ARSA: variants seen among roughly 807,000 people sequenced by gnomAD.
ARSA encodes the protein cerebroside-sulfatase.
Under a neutral mutation model 37.8 loss-of-function variants are expected in ARSA, and 32 were observed. The ratio of observed to expected loss-of-function variants is 0.85; its 90% confidence interval spans 0.64 to 1.14. The LOEUF (loss-of-function observed/expected upper bound fraction) is 1.14, where lower values mean the gene tolerates loss of function less well. Ranked by LOEUF, ARSA falls within the 50% of genes most tolerant of loss-of-function variation. ARSA has a pLI of 0.00. For synonymous variants in ARSA, 303 were observed against 303.4 expected, an observed-to-expected ratio of 1.00 and a Z score of 0.01; for missense variants, 685 against 686.3, an observed-to-expected ratio of 1.00 and a Z score of 0.02.
Position 50,626,231 on chromosome 22 carries a change from C to T in ARSA, c.902G>A (p.Arg301Gln), listed in dbSNP as rs573456864. 1.9e-5 allele frequency: 31 copies of T among 1,613,548 alleles called. No homozygotes were observed. Among genetic ancestry groups the T allele is most frequent in the East Asian group, 1.1e-4 (5 of 44,852 alleles). ...CTCGTAGGTCGTTCCCTTTCCACAC[C>T]GCAAGAGACCGGAGCAGCCGCCTCG... ...MSRGGCSGLL[R>Q]CGKGTTYEGG... Residue 301 changes from arginine (R) to glutamine (Q), a missense_variant, in exon 5 of 8, where the codon CGG becomes CAG. Transcript: ENST00000216124.
In ARSA at chr22:50,626,217, T is replaced by C; in HGVS notation, c.916A>G (p.Thr306Ala). The C allele has an allele frequency of 6.2e-7, 1 of 1,613,352 alleles. No homozygotes were observed. Among genetic ancestry groups the C allele is most frequent in the Admixed American group, 1.7e-5 (1 of 59,948 alleles). Residue 306 changes from threonine (T) to alanine (A), a missense_variant, in exon 5 of 8, where the codon ACG (threonine) becomes GCG (alanine). Physicochemically the swap from Thr to Ala is moderately conservative, Grantham distance 58 (BLOSUM62 0). Transcript: ENST00000216124. Reference protein sequence around the residue: ...CSGLLRCGKGTTYEGGVREPA... With the variant: ...CSGLLRCGKGATYEGGVREPA... ...TCTCGGACACCGCCCTCGTAGGTCG[T>C]TCCCTTTCCACACCGCAAGAGACCG...
At position 50,627,019 on chromosome 22, in the gene ARSA, C is replaced by A. The variant is rs578188411; in HGVS notation, c.499G>T (p.Ala167Ser). The A allele has an allele frequency of 1.9e-6, 3 of 1,609,854 alleles. No individual in the cohort carries two copies. The African/African-American group carries it at 4.0e-5, about 21-fold the overall frequency. ...PCQNLTCFPP[A>S]TPCDGGCDQG... The stretch of plus-strand genomic sequence containing the variant: ...TCACAGCCACCGTCGCAAGGAGTGG[C>A]CGGCGGGAAGCAGGTCAGGTTCTGG... Residue 167 changes from alanine (A) to serine (S), a missense_variant, in exon 3 of 8, where the codon GCC (alanine) becomes TCC (serine). Physicochemically the swap from Ala to Ser is moderately conservative, Grantham distance 99. Transcript: ENST00000216124.
Position 50,624,058 on chromosome 22 carries a change from C to T in ARSA, c.*1087G>A, listed in dbSNP as rs540985424. 6.6e-6 allele frequency among the ~76,000 whole-genome samples: 1 copy of T among 152,154 alleles called. No homozygotes were observed. Among genetic ancestry groups the T allele is most frequent in the Admixed American group, 6.5e-5 (1 of 15,278 alleles). On this transcript the variant is annotated 3_prime_UTR_variant, in exon 8 of 8. Transcript: ENST00000216124. ...CACTGGGAATACAGGAGTGAATCGC[C>T]GTGTGCAGCCTAACAGATTTTTTGT...
chr22:50,625,513 C>T, intron 7 of ARSA, 49 bp from the exon 8 acceptor site: 2 of 1,611,798 alleles, frequency 1.2e-6, no homozygotes, highest in Non-Finnish European at 8.5e-7. Context: ...AGAGGAGGGG[C>T]CAGGGATCTA....
At position 50,625,136 on chromosome 22, in the gene ARSA, G is replaced by A. The variant is rs775857149; in HGVS notation, c.*9C>T. On this transcript the variant is annotated 3_prime_UTR_variant, in exon 8 of 8. Transcript: ENST00000216124. ...GAGCCATCACATGCCCAGGCCAGCC[G>A]AGGGGCCCTCAGGCATGGGGATCTG... The A allele has an allele frequency of 5.8e-6, 9 of 1,547,200 alleles. No homozygotes were observed. The highest frequency in any genetic ancestry group is 4.8e-5 in the East Asian group (2 of 42,028).
rs74315268 is a variant in ARSA at position 50,627,676 on chromosome 22, T to A, written c.104A>T (p.Tyr35Phe). ...IVLIFADDLG[Y>F]GDLGCYGHPS... ...GTGCCCATAGCAGCCCAGGTCCCCA[T>A]AGCCGAGGTCGTCGGCAAAGATCAG... The change falls in exon 1 of 8, where the codon TAT becomes TTT. Residue 35 changes from tyrosine to phenylalanine, a missense_variant. Tyr to Phe is a conservative substitution (Grantham distance 22). Transcript: ENST00000216124. 1.3e-6 allele frequency: 2 copies of A among 1,558,074 alleles called. No individual in the cohort carries two copies. The highest frequency in any genetic ancestry group is 1.7e-6 in the Non-Finnish European group (2 of 1,150,710).
rs199476342 is a variant in ARSA at position 50,626,594 on chromosome 22, T to C, written c.851A>G (p.Asn284Ser). The C allele has an allele frequency of 1.9e-6, 3 of 1,613,186 alleles. No individual in the cohort carries two copies. Among genetic ancestry groups the C allele is most frequent in the African/African-American group, 1.3e-5 (1 of 75,060 alleles). ...EETLVIFTAD[N>S]GPETMRMSRG... is the part of the protein sequence containing the mutation. Reference sequence around the variant, plus strand: ...CCCAGCTGCCCTGCTGGCATACCCATTGTCTGCAGTGAAGATGACCAGCGT... The same window carrying C: ...CCCAGCTGCCCTGCTGGCATACCCACTGTCTGCAGTGAAGATGACCAGCGT... The change falls in exon 4 of 8, where the codon AAT becomes AGT. Residue 284 changes from asparagine (N) to serine (S), a missense_variant. Asn to Ser is a conservative substitution (Grantham distance 46). Coordinates refer to ENST00000216124, the MANE Select transcript of ARSA (RefSeq NM_000487.6).
chr22:50,627,533 A>T, intron 1 of ARSA, 23 bp downstream of exon 1: 1 of 1,561,352 alleles, frequency 6.4e-7, no homozygotes, highest in Non-Finnish European at 8.7e-7. Context: ...CGGGGCGGGG[A>T]AGAGGCGCGG....
In ARSA at chr22:50,625,921, G is replaced by A. The variant is rs2082656847; in HGVS notation, c.1107+15C>T. On this transcript the variant is annotated intron_variant, in intron 6 of 7. Coordinates refer to ENST00000216124, the MANE Select transcript of ARSA (RefSeq NM_000487.6). Reference sequence around the variant, plus strand: ...CAGGGGCCAAGGATCTGGGATCAGGGGTCACCGGCCCTACCTTGCCTGTGC... The same window carrying A: ...CAGGGGCCAAGGATCTGGGATCAGGAGTCACCGGCCCTACCTTGCCTGTGC... The A allele has an allele frequency of 3.8e-6, 6 of 1,568,438 alleles. No homozygotes were observed. Among genetic ancestry groups the A allele is most frequent in the African/African-American group, 2.7e-5 (2 of 74,402 alleles).
Position 50,627,562 on chromosome 22 carries a change from G to T in ARSA, c.218C>A (p.Pro73His), listed in dbSNP as rs764004751. The T allele has an allele frequency of 6.4e-7, 1 of 1,560,666 alleles. No individual in the cohort carries two copies. Among genetic ancestry groups the T allele is most frequent in the Non-Finnish European group, 8.7e-7 (1 of 1,151,928 alleles). ...DFYVPVSLCT[P>H]SRAALLTGRL... ...GGCGCGGCCCCCTCTTTACCTAGAG[G>T]GTGTGCACAGAGACACAGGCACGTA... Residue 73 changes from proline to histidine, a missense_variant, in exon 1 of 8, where the codon CCC becomes CAC. By Grantham distance (77) the Pro-to-His change is moderately conservative (BLOSUM62 -2). Transcript: ENST00000216124.
In ARSA at chr22:50,626,613, C is replaced by A. The variant is rs544856756; in HGVS notation, c.832G>T (p.Val278Phe). ...TACCCATTGTCTGCAGTGAAGATGA[C>A]CAGCGTCTCTTCAAGCAGCCCCAGG... ...GDLGLLEETL[V>F]IFTADNGPET... Residue 278 changes from valine (V) to phenylalanine (F), a missense_variant, in exon 4 of 8, where the codon GTC becomes TTC. Physicochemically the swap from Val to Phe is conservative, Grantham distance 50 (BLOSUM62 -1). Transcript: ENST00000216124. 4.3e-6 allele frequency: 7 copies of A among 1,613,782 alleles called. No individual in the cohort carries two copies. In the South Asian group the frequency reaches 5.5e-5, roughly 13 times the overall value.
chr22:50,623,505 T>C lies in ARSA; in HGVS notation c.*1640A>G, dbSNP rs1460679307. Among the ~76,000 whole-genome samples, 2 of 152,118 alleles carry C rather than the reference T, an allele frequency of 1.3e-5. No individual in the cohort carries two copies. The highest frequency in any genetic ancestry group is 4.8e-5 in the African/African-American group (2 of 41,408). On this transcript the variant is annotated 3_prime_UTR_variant, in exon 8 of 8. Transcript: ENST00000216124. ...CCGAGGCTGGAGTGCAGTGGTACAA[T>C]TATAGCTCACTACAGCCTCGACCTA... is the stretch of plus-strand genomic sequence containing the variant.
rs886057647 is a variant in ARSA, at chr22:50,623,569, T to C, written c.*1576A>G. ...ATTCTCCCACCTCAACCTCCCAAAT[T>C]GCTAGGACAAATGCTACCACGCCTG... On this transcript the variant is annotated 3_prime_UTR_variant, in exon 8 of 8. Transcript: ENST00000216124. Among the ~76,000 whole-genome samples, 3 of 152,046 alleles carry C rather than the reference T, an allele frequency of 2.0e-5. No individual in the cohort carries two copies. The highest frequency in any genetic ancestry group is 4.4e-5 in the Non-Finnish European group (3 of 68,012).
intron 2 of ARSA, 31 bp downstream of exon 2, chr22:50,627,135 G>T: frequency 6.3e-7 from 1 of 1,597,764 alleles, no homozygotes. Flanking sequence ...TGGGAGGTGG[G>T]AGGGTGGCTG....
Position 50,623,308 on chromosome 22 carries a change from C to T in ARSA, c.*1837G>A, listed in dbSNP as rs1378053184. On this transcript the variant is annotated 3_prime_UTR_variant, in exon 8 of 8. Transcript: ENST00000216124. ...CGTTGAAGGGAACAGCCAGGCCACC[C>T]CCTAAGACTGGGGGGAAGGGGGTGT... 3 of 152,342 alleles carry T rather than the reference C, an allele frequency of 2.0e-5. No homozygotes were observed. In the East Asian group the frequency reaches 5.8e-4, roughly 29 times the overall value. 9.4% of individuals were successfully genotyped at this position (152,342 alleles called of 1,614,324 possible).
At chr22:50,625,879 C>T in intron 6 of ARSA, 57 bp downstream of exon 6, 2 of 1,558,144 alleles carry the variant, frequency 1.3e-6, no homozygotes, top group South Asian at 1.2e-5. Context: ...CACACTCACC[C>T]CAGGGGAAGG....
rs1409987284 is a variant in ARSA at position 50,623,018 on chromosome 22, T to TAAAA, written c.*2126_*2127insTTTT. The stretch of plus-strand genomic sequence containing the variant: ...CTGCAACTCCAAGATCAAGGGACCT[T>TAAAA]TGCCCAGCACTGAAAAATGGGAGCC... On this transcript the variant is annotated 3_prime_UTR_variant, in exon 8 of 8. Transcript: ENST00000216124. 233 of 152,338 alleles carry TAAAA rather than the reference T, an allele frequency of 1.5e-3. 1 individual carries two copies. Among genetic ancestry groups the TAAAA allele is most frequent in the African/African-American group, 5.2e-3 (216 of 41,564 alleles). 9.4% of individuals were successfully genotyped at this position (152,338 alleles called of 1,614,324 possible).
Position 50,627,637 on chromosome 22 carries a change from G to A in ARSA, c.143C>T (p.Thr48Ile), listed in dbSNP as rs766907747. Reference sequence around the variant, plus strand: ...CGCCGCCAGCTGGTCCAGGTTGGGAGTGGTAGAGCTGGGGTGCCCATAGCA... The same window carrying A: ...CGCCGCCAGCTGGTCCAGGTTGGGAATGGTAGAGCTGGGGTGCCCATAGCA... ...LGCYGHPSST[T>I]PNLDQLAAGG... Residue 48 changes from threonine to isoleucine, a missense_variant, in exon 1 of 8, where the codon ACT (threonine) becomes ATT (isoleucine). By Grantham distance (89) the Thr-to-Ile change is moderately conservative (BLOSUM62 -1). Coordinates refer to ENST00000216124, the MANE Select transcript of ARSA (RefSeq NM_000487.6). The A allele has an allele frequency of 9.0e-6, 14 of 1,561,036 alleles. No homozygotes were observed. Among genetic ancestry groups the A allele is most frequent in the Non-Finnish European group, 1.2e-5 (14 of 1,152,038 alleles).
At position 50,626,963 on chromosome 22, in the gene ARSA, G is replaced by A. The variant is rs544894572; in HGVS notation, c.555C>T (p.Ala185=). Residue 185 remains alanine, a synonymous_variant, in exon 3 of 8, where the codon GCC becomes GCT. Coordinates refer to ENST00000216124, the MANE Select transcript of ARSA (RefSeq NM_000487.6). ...GGGGCTGCGCCTCCACGGACAGGTT[G>A]GCCAACAGTGGGATGGGGACCAGGC... The part of the protein sequence containing the change: ...DQGLVPIPLL[A]NLSVEAQPPW... 6.2e-7 allele frequency: 1 copy of A among 1,613,006 alleles called. No homozygotes were observed. Among genetic ancestry groups the A allele is most frequent in the Non-Finnish European group, 8.5e-7 (1 of 1,179,964 alleles).
Sources: gnomAD v4.1 joint callset for allele counts (sites outside exome capture counted in the v4.1 genomes callset) on GRCh38, gnomAD v4.1.1 for gene constraint, MANE v1.5 for transcripts, NCBI Gene and HGNC (gene_info 2026-07-23, HGNC 2026-07-21) for gene names.